The following L3MBTL4 variants were observed in gnomAD, a reference collection of about 807,000 sequenced individuals.
L3MBTL4 encodes lethal(3)malignant brain tumor-like protein 4.
A neutral mutation model predicts 84.5 loss-of-function variants in L3MBTL4; 70 were observed. The ratio of observed to expected loss-of-function variants is 0.83; its 90% confidence interval spans 0.68 to 1.01. L3MBTL4 has a LOEUF of 1.01. Ranked by LOEUF, L3MBTL4 falls within the 50% of genes least tolerant of loss-of-function variation. The pLI, the probability that L3MBTL4 is intolerant of heterozygous loss-of-function variation, is 0.00. For synonymous variants in L3MBTL4, 274 were observed against 259.8 expected, an observed-to-expected ratio of 1.05 and a Z score of -0.52; for missense variants, 715 against 754.8, an observed-to-expected ratio of 0.95 and a Z score of 0.62.
chr18:6,346,565 T>C (rs1035665008), intron 1 of L3MBTL4, among the ~76,000 whole-genome samples: 1 of 152,076 alleles, frequency 6.6e-6, no homozygotes, highest in Admixed American at 6.5e-5. Context: ...AAAGAAGATA[T>C]ACAAATATCC....
chr18:6,020,391 G>C (rs1187017773), intron 16 of L3MBTL4, among the ~76,000 whole-genome samples: 1 of 152,134 alleles, frequency 6.6e-6, no homozygotes, highest in Non-Finnish European at 1.5e-5. Context: ...GAGACAGATG[G>C]GGATAGAGAC....
In L3MBTL4 at chr18:5,956,335, A is replaced by T; in HGVS notation, c.1730T>A (p.Val577Glu). The T allele has an allele frequency of 6.2e-7, 1 of 1,614,158 alleles. No homozygotes were observed. Among genetic ancestry groups the T allele is most frequent in the Non-Finnish European group, 8.5e-7 (1 of 1,180,004 alleles). ...LLLTQTDIVK[V>E]MKIKLGPALK... ...TGCTGGGCCCAGTTTGATCTTCATC[A>T]CTTTGACAATGTCCGTCTGTGTCAG... Residue 577 changes from valine to glutamate, a missense_variant, in exon 19 of 19, where the codon GTG becomes GAG. Physicochemically the swap from Val to Glu is moderately radical, Grantham distance 121. Transcript: ENST00000317931.
intron 12 of L3MBTL4, among the ~76,000 whole-genome samples, chr18:6,211,698 G>C (rs948518194): frequency 6.6e-6 from 1 of 151,574 alleles, no homozygotes. Context: ...GCCCAGGCTG[G>C]AGTGCAGTGG....
intron 13 of L3MBTL4, among the ~76,000 whole-genome samples, chr18:6,144,196 CAAAAAAAAAAAA>C (rs35746580): frequency 1.7e-5 from 1 of 58,060 alleles, no homozygotes; most frequent in Non-Finnish European, 3.4e-5. Context: ...ACTCCATCTC[CAAAAAAAAAAAA>C]AAAAAAAAAA....
intron 13 of L3MBTL4, among the ~76,000 whole-genome samples, chr18:6,151,679 G>A (rs1478638788): frequency 3.3e-5 from 5 of 152,166 alleles, no homozygotes; most frequent in Admixed American, 6.5e-5. Context: ...ACAGATGTGA[G>A]CCACCGTGCC....
chr18:6,177,203 C>T (rs2044261580), intron 12 of L3MBTL4, among the ~76,000 whole-genome samples: 1 of 152,178 alleles, frequency 6.6e-6, no homozygotes, highest in Non-Finnish European at 1.5e-5. Context: ...ATAGCCCAAA[C>T]CTGAAAACAA....
In L3MBTL4 at chr18:6,414,526, C is replaced by A. The variant is rs2056111897; in HGVS notation, c.-91+275G>T. The stretch of plus-strand genomic sequence containing the variant: ...CGGCTGACCGAGGCGCCGGGCTCTG[C>A]GGCGGCCGCGCCCGTCCAAAGTAGG... On this transcript the variant is annotated intron_variant, in intron 1 of 18. Coordinates refer to ENST00000317931, the MANE Select transcript of L3MBTL4 (RefSeq NM_001330559.2). The surrounding 1 kb of genome is among the most constrained non-coding windows in gnomAD (Gnocchi z 5.4). 6.6e-6 allele frequency among the ~76,000 whole-genome samples: 1 copy of A among 152,002 alleles called. No individual in the cohort carries two copies. Among genetic ancestry groups the A allele is most frequent in the African/African-American group, 2.4e-5 (1 of 41,410 alleles).
intron 1 of L3MBTL4, among the ~76,000 whole-genome samples, chr18:6,363,942 A>G (rs2053822647): frequency 6.6e-6 from 1 of 152,184 alleles, no homozygotes; most frequent in Admixed American, 6.5e-5. Context: ...CAGCTGGGAA[A>G]AAAAAAAGAG....
intron 1 of L3MBTL4, among the ~76,000 whole-genome samples, chr18:6,364,525 C>T (rs1438360084): frequency 6.6e-6 from 1 of 151,954 alleles, no homozygotes; most frequent in Non-Finnish European, 1.5e-5. Flanking sequence ...ACAATTCAAA[C>T]CTAAAAGCTT....
At chr18:6,135,642 C>T (rs1446504434) in intron 14 of L3MBTL4, among the ~76,000 whole-genome samples, 2 of 152,226 alleles carry the variant, frequency 1.3e-5, no homozygotes, top group Non-Finnish European at 2.9e-5. Context: ...GTCACCTTTG[C>T]TCCAGTTCCC....
At chr18:6,386,147 G>A (rs527893168) in intron 1 of L3MBTL4, among the ~76,000 whole-genome samples, 28 of 152,298 alleles carry the variant, frequency 1.8e-4, no homozygotes, top group African/African-American at 6.0e-4. Flanking sequence ...GAGAAAGCCT[G>A]CACTACAACT....
chr18:6,276,706 A>C (rs572349395), intron 4 of L3MBTL4, among the ~76,000 whole-genome samples: 2 of 152,078 alleles, frequency 1.3e-5, no homozygotes, highest in Non-Finnish European at 2.9e-5. Context: ...TAGTGGGTGA[A>C]GACAGACAAT....
chr18:6,143,456 G>A (rs764018942), intron 13 of L3MBTL4, among the ~76,000 whole-genome samples: 1 of 152,164 alleles, frequency 6.6e-6, no homozygotes. Context: ...TGAATCAATG[G>A]CAAATGAGAC....
At chr18:6,169,763 G>A (rs1194306718) in intron 13 of L3MBTL4, among the ~76,000 whole-genome samples, 2 of 151,600 alleles carry the variant, frequency 1.3e-5, no homozygotes, top group Non-Finnish European at 2.9e-5. Flanking sequence ...CACCAACATG[G>A]CACATGTACA....
At chr18:6,195,519 T>C (rs1015390475) in intron 12 of L3MBTL4, among the ~76,000 whole-genome samples, 1 of 152,164 alleles carries the variant, frequency 6.6e-6, no homozygotes. Flanking sequence ...GTGGGGCAGA[T>C]AGACTGGCAT....
intron 1 of L3MBTL4, among the ~76,000 whole-genome samples, chr18:6,389,759 A>C (rs1470220823): frequency 6.6e-6 from 1 of 152,150 alleles, no homozygotes; most frequent in East Asian, 1.9e-4. Context: ...TATCACCCTA[A>C]ATATATATGC....
intron 1 of L3MBTL4, among the ~76,000 whole-genome samples, chr18:6,322,216 G>A (rs1044828374): frequency 6.6e-6 from 1 of 151,722 alleles, no homozygotes; most frequent in African/African-American, 2.4e-5. Flanking sequence ...AAATTAGCCA[G>A]GCATGGCAGC....
At chr18:6,405,608 G>C (rs1184232586) in intron 1 of L3MBTL4, among the ~76,000 whole-genome samples, 2 of 151,494 alleles carry the variant, frequency 1.3e-5, no homozygotes, top group Non-Finnish European at 2.9e-5. Flanking sequence ...AAATGAGCCC[G>C]AGGGCCCACT....
intron 16 of L3MBTL4, among the ~76,000 whole-genome samples, chr18:5,995,735 G>A (rs1312939377): frequency 6.6e-6 from 1 of 152,204 alleles, no homozygotes; most frequent in African/African-American, 2.4e-5. Context: ...AGAAGGGGCA[G>A]GAAAATGTTA....
Sources: gnomAD v4.1 joint callset for allele counts (sites outside exome capture counted in the v4.1 genomes callset) on GRCh38, gnomAD v4.1.1 for gene constraint, Gnocchi (gnomAD v3.1) non-coding constraint, MANE v1.5 for transcripts, NCBI Gene and HGNC (gene_info 2026-07-23, HGNC 2026-07-21) for gene names.